Variants in RAB11FIP4 observed in about 807,000 individuals in gnomAD.
The protein encoded by RAB11FIP4 is RAB11 family interacting protein 4, also known as rab11 family-interacting protein 4.
RAB11FIP4 carries 23 observed loss-of-function variants against 74.3 expected under a neutral mutation model. The observed-to-expected ratio is 0.31, with a 90% confidence interval of 0.22 to 0.44. The LOEUF (loss-of-function observed/expected upper bound fraction) is 0.44. Among genes scored for constraint, RAB11FIP4 ranks in the 20% least tolerant of loss-of-function variants. The pLI is 1.00. For missense variants in RAB11FIP4, 630 were observed against 863.9 expected (o/e 0.73, Z 3.39); for synonymous variants, 360 against 359.9 (o/e 1.00, Z 0.00).
At chr17:31,395,558 G>A (rs2070921246) in intron 1 of RAB11FIP4, among the ~76,000 whole-genome samples, 1 of 152,172 alleles carries the variant, frequency 6.6e-6, no homozygotes, top group South Asian at 2.1e-4. Flanking sequence ...TCCCAAACCA[G>A]TAATCCCAGT....
In RAB11FIP4 at chr17:31,537,431, T is replaced by G; in HGVS notation, c.*5699T>G. The G allele has an allele frequency of 2.6e-6, 1 of 388,482 alleles. No homozygotes were observed. The highest frequency in any genetic ancestry group is 3.7e-5 in the East Asian group (1 of 27,322). 24.1% of individuals were successfully genotyped at this position (388,482 alleles called of 1,614,324 possible). A position where few individuals can be genotyped will look rare whatever the true frequency, so the allele number is the denominator to read the frequency against. ...TCCCTCCTCCAGCCTGCAGCTAATT[T>G]AGGAGCCTTGCATTCCAGAAAAGGG... is the stretch of plus-strand genomic sequence containing the variant. On this transcript the variant is annotated 3_prime_UTR_variant, in exon 15 of 15. Transcript: ENST00000621161.
chr17:31,422,577 C>A (rs2071210129), intron 1 of RAB11FIP4, among the ~76,000 whole-genome samples: 1 of 151,870 alleles, frequency 6.6e-6, no homozygotes, highest in African/African-American at 2.4e-5. Flanking sequence ...GGTGAGTTGA[C>A]CCTTTAATAT....
chr17:31,400,892 T>C (rs548183301), intron 1 of RAB11FIP4, among the ~76,000 whole-genome samples: 1 of 152,278 alleles, frequency 6.6e-6, no homozygotes, highest in South Asian at 2.1e-4. Context: ...CCTTTCCTTC[T>C]ACCCTGGCCC....
chr17:31,502,628 CTT>C (rs2072243668), intron 3 of RAB11FIP4, among the ~76,000 whole-genome samples: 1 of 152,084 alleles, frequency 6.6e-6, no homozygotes, highest in Non-Finnish European at 1.5e-5. Context: ...AAAAAGTTCT[CTT>C]TTGTTATCAG....
chr17:31,453,870 A>T (rs2071551753), intron 3 of RAB11FIP4, among the ~76,000 whole-genome samples: 1 of 151,924 alleles, frequency 6.6e-6, no homozygotes, highest in Non-Finnish European at 1.5e-5. Flanking sequence ...AAATACTGGC[A>T]TTTCTCAACT....
chr17:31,472,465 A>G (rs890510647), intron 3 of RAB11FIP4, among the ~76,000 whole-genome samples: 1 of 152,158 alleles, frequency 6.6e-6, no homozygotes, highest in Non-Finnish European at 1.5e-5. Context: ...AGCGCTCACC[A>G]TCCCTGGTCC....
rs80033720 is a variant in RAB11FIP4, at chr17:31,498,534, C to T, written c.337-19117C>T. On this transcript the variant is annotated intron_variant, in intron 3 of 14. Transcript: ENST00000621161. ...AGGAGAGTCACCCTGCTGACCCTGA[C>T]CTGCCTGCTCCAGAAGGGCGGGTCA... Among the ~76,000 whole-genome samples, 619 of 152,326 alleles carry T rather than the reference C, an allele frequency of 4.1e-3. 3 individuals are homozygous for T. Among genetic ancestry groups the T allele is most frequent in the African/African-American group, 0.014 (576 of 41,562 alleles).
At chr17:31,499,424 C>T (rs1000804052) in intron 3 of RAB11FIP4, among the ~76,000 whole-genome samples, 1 of 152,110 alleles carries the variant, frequency 6.6e-6, no homozygotes, top group African/African-American at 2.4e-5. Context: ...GGCACAGTCT[C>T]AGCTCACTGC....
chr17:31,435,325 T>C (rs139882125), intron 3 of RAB11FIP4, among the ~76,000 whole-genome samples: 2 of 152,280 alleles, frequency 1.3e-5, no homozygotes, highest in Non-Finnish European at 2.9e-5. Context: ...ATCCTGAAGC[T>C]CTGTATCAGG....
At chr17:31,462,962 C>A (rs1179024473) in intron 3 of RAB11FIP4, among the ~76,000 whole-genome samples, 1 of 152,146 alleles carries the variant, frequency 6.6e-6, no homozygotes, top group South Asian at 2.1e-4. Context: ...AAAATTCTCC[C>A]TCCTGATCCT....
chr17:31,392,159 C>T (rs1408274511), intron 1 of RAB11FIP4, 148 bp downstream of exon 1: 3 of 601,446 alleles, frequency 5.0e-6, no homozygotes, highest in East Asian at 7.9e-5. Context: ...AGGACCTCGG[C>T]CCCCCCCGGG....
intron 3 of RAB11FIP4, among the ~76,000 whole-genome samples, chr17:31,494,696 C>T (rs1158084689): frequency 6.6e-6 from 1 of 152,012 alleles, no homozygotes; most frequent in Admixed American, 6.6e-5. Context: ...AGGCTGATCT[C>T]GAATTCCTGC....
At chr17:31,403,462 A>G (rs567925517) in intron 1 of RAB11FIP4, among the ~76,000 whole-genome samples, 2 of 151,956 alleles carry the variant, frequency 1.3e-5, no homozygotes, top group South Asian at 2.1e-4. Context: ...AGCTGGGACT[A>G]CAGGAGTGCA....
At chr17:31,460,508 C>A (rs1005913092) in intron 3 of RAB11FIP4, among the ~76,000 whole-genome samples, 1 of 152,200 alleles carries the variant, frequency 6.6e-6, no homozygotes, top group Non-Finnish European at 1.5e-5. Flanking sequence ...TTAGAAGCCG[C>A]TGGCATCAGT....
At chr17:31,457,095 G>GCCACCTCAC (rs2071586295) in intron 3 of RAB11FIP4, among the ~76,000 whole-genome samples, 1 of 152,210 alleles carries the variant, frequency 6.6e-6, no homozygotes, top group Admixed American at 6.5e-5. Flanking sequence ...ATAGTGAGTT[G>GCCACCTCAC]CTCAGGTGAG....
intron 3 of RAB11FIP4, among the ~76,000 whole-genome samples, chr17:31,514,781 G>T (rs1326683350): frequency 6.6e-6 from 1 of 152,220 alleles, no homozygotes; most frequent in African/African-American, 2.4e-5. Context: ...TCTCTTAGGT[G>T]TCCCCGCACT....
intron 1 of RAB11FIP4, among the ~76,000 whole-genome samples, chr17:31,427,521 T>C (rs958141185): frequency 4.6e-5 from 7 of 152,304 alleles, no homozygotes; most frequent in African/African-American, 1.7e-4. Flanking sequence ...TCTCCCAGCC[T>C]CAGGGAGCTG....
At chr17:31,481,766 C>CT (rs1207051066) in intron 3 of RAB11FIP4, among the ~76,000 whole-genome samples, 1 of 152,094 alleles carries the variant, frequency 6.6e-6, no homozygotes, top group Non-Finnish European at 1.5e-5. Context: ...CATTTTCCCC[C>CT]TTTCGTTGAG....
intron 3 of RAB11FIP4, among the ~76,000 whole-genome samples, chr17:31,447,067 G>C (rs996116128): frequency 3.9e-5 from 6 of 152,096 alleles, no homozygotes; most frequent in Admixed American, 2.0e-4. Flanking sequence ...GGCGGATCAC[G>C]AGGTCAGGAG....
Sources: gnomAD v4.1 joint callset for allele counts (sites outside exome capture counted in the v4.1 genomes callset) on GRCh38, gnomAD v4.1.1 for gene constraint, MANE v1.5 for transcripts, NCBI Gene and HGNC (gene_info 2026-07-23, HGNC 2026-07-21) for gene names.